The following GUCY2F variants were observed in gnomAD, a reference collection of about 807,000 sequenced individuals.
GUCY2F encodes the protein retinal guanylyl cyclase 2.
Under a neutral mutation model 73.1 loss-of-function variants are expected in GUCY2F, and 61 were observed. The ratio of observed to expected loss-of-function variants is 0.83; its 90% CI spans 0.68 to 1.03. GUCY2F has a LOEUF of 1.03. Among genes scored for constraint, GUCY2F ranks in the 50% least tolerant of loss-of-function variants. GUCY2F has a pLI of 0.00. For synonymous variants in GUCY2F, 331 were observed against 307.8 expected (o/e 1.08, Z -0.79); for missense variants, 912 against 854.3 (o/e 1.07, Z -0.84).
At position 109,448,505 on chromosome X, in the gene GUCY2F, T is replaced by C. The variant is rs779813885; in HGVS notation, c.1473-340A>G. Among the ~76,000 whole-genome samples, 335 of 112,472 alleles carry C rather than the reference T, an allele frequency of 3.0e-3. 2 individuals are homozygous for C. Among genetic ancestry groups the C allele is most frequent in the Non-Finnish European group, 4.8e-3 (254 of 53,257 alleles). Reference sequence around the variant, plus strand: ...ATTCAAAACAACACCTCTGAATACATTTAAGGAACTCAACACCCTTTCTCA... The same window carrying C: ...ATTCAAAACAACACCTCTGAATACACTTAAGGAACTCAACACCCTTTCTCA... On this transcript the variant is annotated intron_variant, in intron 5 of 19. Coordinates refer to ENST00000218006, the MANE Select transcript of GUCY2F (RefSeq NM_001522.3).
chrX:109,392,921 C>T lies in GUCY2F; in HGVS notation c.2559G>A (p.Thr853=), dbSNP rs757173602. 6.7e-6 allele frequency: 8 copies of T among 1,190,966 alleles called. No individual in the cohort carries two copies. The highest frequency in any genetic ancestry group is 2.2e-5 in the Admixed American group (1 of 45,518). ...GTAGCATCTGTGTTAGAAGCTTTTC[C>T]GTTTTCTGTTTTTCAATTTCCAGCT... ...TEELEIEKQK[T]EKLLTQMLPP... is the part of the protein sequence containing the mutation. Residue 853 remains threonine, a synonymous_variant, in exon 13 of 20, where the codon ACG becomes ACA. Transcript: ENST00000218006.
intron 8 of GUCY2F, among the ~76,000 whole-genome samples, chrX:109,412,147 T>C (rs746268963): frequency 9.0e-6 from 1 of 111,422 alleles, no homozygotes; most frequent in African/African-American, 3.3e-5. Flanking sequence ...TCTATCTAAA[T>C]AGATAGAGAG....
At chrX:109,373,746 G>A (rs1369487496) in intron 19 of GUCY2F, among the ~76,000 whole-genome samples, 1 of 112,689 alleles carries the variant, frequency 8.9e-6, no homozygotes, top group Non-Finnish European at 1.9e-5. Flanking sequence ...CCTCAAAAAA[G>A]CACATCTATG....
At position 109,464,126 on chromosome X, in the gene GUCY2F, A is replaced by T. The variant is rs769549374; in HGVS notation, c.1032+1016T>A. Reference sequence around the variant, plus strand: ...ACTTTTGAAAATGTCTGCTTTCTACATCTGACCTCCAGTGTACAGAAACGT... The same window carrying T: ...ACTTTTGAAAATGTCTGCTTTCTACTTCTGACCTCCAGTGTACAGAAACGT... On this transcript the variant is annotated intron_variant, in intron 3 of 19. Coordinates refer to ENST00000218006, the MANE Select transcript of GUCY2F (RefSeq NM_001522.3). Among the ~76,000 whole-genome samples the T allele has an allele frequency of 6.2e-5, 7 of 112,227 alleles. No individual in the cohort carries two copies. In the East Asian group the frequency reaches 1.4e-3, roughly 22 times the overall value.
intron 11 of GUCY2F, among the ~76,000 whole-genome samples, chrX:109,396,055 C>G (rs1489609173): frequency 8.9e-6 from 1 of 112,342 alleles, no homozygotes; most frequent in East Asian, 2.8e-4. Flanking sequence ...CATTATTTCA[C>G]TGGATTCTCA....
At chrX:109,382,608 C>T (rs1316830092) in intron 16 of GUCY2F, among the ~76,000 whole-genome samples, 1 of 112,475 alleles carries the variant, frequency 8.9e-6, no homozygotes, top group African/African-American at 3.2e-5. Context: ...TCATGCTTTA[C>T]ATATCTTAGG....
Position 109,391,910 on chromosome X carries a change from C to T in GUCY2F, c.2781+1G>A, listed in dbSNP as rs1930569805. The T allele has an allele frequency of 8.5e-7, 1 of 1,179,516 alleles. No homozygotes were observed. The highest frequency in any genetic ancestry group is 1.1e-6 in the Non-Finnish European group (1 of 872,429). ...ATATATTTTCCTGCTAATTAACCTA[C>T]CTTGTAGACATCATGACTGCCAATT... is the stretch of plus-strand genomic sequence containing the variant. On this transcript the variant is annotated splice_donor_variant, in intron 14 of 19. Transcript: ENST00000218006. LOFTEE classifies it high-confidence loss of function.
chrX:109,441,330 G>C (rs1931862345), intron 7 of GUCY2F, 21 bp downstream of exon 7: 2 of 1,037,663 alleles, frequency 1.9e-6, no homozygotes, highest in African/African-American at 3.8e-5. Flanking sequence ...CAGTAGATTA[G>C]ACAGCTGTTG....
At chrX:109,429,643 G>A (rs1198042076) in intron 8 of GUCY2F, among the ~76,000 whole-genome samples, 2 of 111,434 alleles carry the variant, frequency 1.8e-5, no homozygotes, top group African/African-American at 6.5e-5. Flanking sequence ...TTTTAAAATT[G>A]CACTTTCAAG....
intron 19 of GUCY2F, among the ~76,000 whole-genome samples, chrX:109,373,825 T>G (rs1031500739): frequency 4.4e-5 from 5 of 112,734 alleles, no homozygotes; most frequent in Non-Finnish European, 9.4e-5. Context: ...AGTAACCAGA[T>G]GATACAAAAA....
chrX:109,404,432 C>A lies in GUCY2F; in HGVS notation c.2021G>T (p.Arg674Leu). 8.4e-7 allele frequency: 1 copy of A among 1,192,820 alleles called. No homozygotes were observed. Among genetic ancestry groups the A allele is most frequent in the Non-Finnish European group, 1.1e-6 (1 of 878,492 alleles). The change falls in exon 10 of 20, where the codon CGA (arginine) becomes CTA (leucine). Residue 674 changes from arginine (R) to leucine (L), a missense_variant. By Grantham distance (102) the Arg-to-Leu change is moderately radical. Transcript: ENST00000218006. ...REFVHGRLKS[R>L]NCVVDGRFVL... Reference sequence around the variant, plus strand: ...AAAACGCCCATCTACCACACAGTTTCGAGACTTTAGCCTCCCATGAACAAA... The same window carrying A: ...AAAACGCCCATCTACCACACAGTTTAGAGACTTTAGCCTCCCATGAACAAA...
Position 109,395,439 on chromosome X carries a change from G to T in GUCY2F, c.2326C>A (p.Pro776Thr). 8.4e-7 allele frequency: 1 copy of T among 1,196,350 alleles called. No individual in the cohort carries two copies. The highest frequency in any genetic ancestry group is 1.1e-6 in the Non-Finnish European group (1 of 881,384). The change falls in exon 12 of 20, where the codon CCT becomes ACT. Residue 776 changes from proline to threonine, a missense_variant. Pro to Thr is a conservative substitution (Grantham distance 38, BLOSUM62 -1). Transcript: ENST00000218006. Reference sequence around the variant, plus strand: ...CATTCTGGAGGGGCATGCTCAGGAGGAACTACTGGTCTGTACACAGGAGGA... The same window carrying T: ...CATTCTGGAGGGGCATGCTCAGGAGTAACTACTGGTCTGTACACAGGAGGA... ...KPPPVYRPVV[P>T]PEHAPPECLQ... is the part of the protein sequence containing the mutation.
intron 4 of GUCY2F, 78 bp from the exon 5 acceptor site, chrX:109,452,185 C>T: frequency 1.7e-6 from 1 of 590,374 alleles, no homozygotes; most frequent in Non-Finnish European, 2.9e-6. Flanking sequence ...AGAGTGACTC[C>T]TCATGCTTTC....
intron 8 of GUCY2F, among the ~76,000 whole-genome samples, chrX:109,424,681 T>A (rs773154014): frequency 9.0e-6 from 1 of 111,267 alleles, no homozygotes; most frequent in East Asian, 2.8e-4. Flanking sequence ...GGGAACTCTC[T>A]GTGCTTTCTG....
chrX:109,413,492 C>A (rs185995942), intron 8 of GUCY2F, among the ~76,000 whole-genome samples: 1 of 110,074 alleles, frequency 9.1e-6, no homozygotes, highest in East Asian at 2.9e-4. Flanking sequence ...GCAACCTCCG[C>A]CTCCCAGGTT....
intron 8 of GUCY2F, among the ~76,000 whole-genome samples, chrX:109,424,025 A>T (rs1931428768): frequency 8.9e-6 from 1 of 112,205 alleles, no homozygotes; most frequent in Non-Finnish European, 1.9e-5. Flanking sequence ...AACATAAATT[A>T]TCAGTATCAG....
chrX:109,478,751 T>C (rs1932743191), intron 1 of GUCY2F, among the ~76,000 whole-genome samples: 1 of 112,635 alleles, frequency 8.9e-6, no homozygotes. Flanking sequence ...TTATCATCAC[T>C]ATTTACAGAT....
At chrX:109,458,296 G>C (rs180808937) in intron 3 of GUCY2F, among the ~76,000 whole-genome samples, 1 of 111,987 alleles carries the variant, frequency 8.9e-6, no homozygotes, top group Non-Finnish European at 1.9e-5. Flanking sequence ...TAGCAGACTT[G>C]GGTTGGAATC....
intron 3 of GUCY2F, among the ~76,000 whole-genome samples, chrX:109,461,640 G>A (rs1300005523): frequency 1.8e-5 from 2 of 111,914 alleles, no homozygotes; most frequent in Non-Finnish European, 3.8e-5. Flanking sequence ...ACAGCTATAT[G>A]GAGAGGGAAA....
Sources: allele counts gnomAD v4.1 joint callset (sites outside exome capture counted in the v4.1 genomes callset), GRCh38; gene constraint gnomAD v4.1.1; transcripts MANE v1.5; gene names NCBI Gene and HGNC (gene_info 2026-07-23, HGNC 2026-07-21).